The following DDX18 variants were observed in gnomAD, a reference collection of about 807,000 sequenced individuals.
DDX18 encodes ATP-dependent RNA helicase DDX18.
Under a neutral mutation model 73.5 loss-of-function variants are expected in DDX18, and 23 were observed. The ratio of observed to expected loss-of-function variants is 0.31; its 90% confidence interval spans 0.23 to 0.44. The LOEUF (loss-of-function observed/expected upper bound fraction) is 0.44, where lower values mean the gene tolerates loss of function less well. Ranked by LOEUF, DDX18 falls within the 20% of genes least tolerant of loss-of-function variation. DDX18 has a pLI of 1.00. For missense variants in DDX18, 753 were observed against 792.9 expected (o/e 0.95, Z 0.60); for synonymous variants, 268 against 282.7 (o/e 0.95, Z 0.52).
At position 117,822,548 on chromosome 2, in the gene DDX18, C is replaced by T. The variant is rs77253034; in HGVS notation, c.1066+287C>T. Reference sequence around the variant, plus strand: ...CCTCATCTAACATCCCCCAAGAAGCCGCAGATTTTTTGCCTTACTTGTACA... The same window carrying T: ...CCTCATCTAACATCCCCCAAGAAGCTGCAGATTTTTTGCCTTACTTGTACA... On this transcript the variant is annotated intron_variant, in intron 7 of 13. Coordinates refer to ENST00000263239, the MANE Select transcript of DDX18 (RefSeq NM_006773.4). The T allele has an allele frequency of 2.1e-3, 646 of 307,296 alleles. 4 individuals carry two copies. The highest frequency in any genetic ancestry group is 0.012 in the African/African-American group (564 of 46,314). The allele number at this position is 307,296 out of a possible 1,614,324, so 19.0% of individuals were successfully genotyped here. A position where few individuals can be genotyped will look rare whatever the true frequency, so the allele number is the denominator to read the frequency against.
At chr2:117,823,988 A>G (rs753775898) in intron 7 of DDX18, among the ~76,000 whole-genome samples, 2 of 152,176 alleles carry the variant, frequency 1.3e-5, no homozygotes, top group Non-Finnish European at 2.9e-5. Flanking sequence ...AATAAACCTG[A>G]TCCATTTCTA....
Position 117,814,725 on chromosome 2 carries a change from G to T in DDX18, c.-53G>T, listed in dbSNP as rs1000632763. On this transcript the variant is annotated 5_prime_UTR_variant, in exon 1 of 14. Coordinates refer to ENST00000263239, the MANE Select transcript of DDX18 (RefSeq NM_006773.4). ...CGGAAGGGAAGTAACGTCAGCCTGAGAACTGAGTAGCTGTACTGTGTGGCG... is the reference window on the plus strand; with the variant it reads ...CGGAAGGGAAGTAACGTCAGCCTGATAACTGAGTAGCTGTACTGTGTGGCG... The T allele has an allele frequency of 3.8e-6, 6 of 1,581,720 alleles. No homozygotes were observed. The highest frequency in any genetic ancestry group is 5.2e-6 in the Non-Finnish European group (6 of 1,152,924).
rs1573415206 is a variant in DDX18, at chr2:117,831,021, C to T, written c.*297C>T. ...CCCTCCCTCATACAAGTGTATGTTA[C>T]CATTTTAATATAATTCTTTTTGTAC... is the stretch of plus-strand genomic sequence containing the variant. On this transcript the variant is annotated 3_prime_UTR_variant, in exon 14 of 14. Coordinates refer to ENST00000263239, the MANE Select transcript of DDX18 (RefSeq NM_006773.4). 4 of 305,852 alleles carry T rather than the reference C, an allele frequency of 1.3e-5. No individual in the cohort carries two copies. In the South Asian group the frequency reaches 1.9e-4, roughly 14 times the overall value. The allele number at this position is 305,852 out of a possible 1,614,324, so 18.9% of individuals were successfully genotyped here. A position where few individuals can be genotyped will look rare whatever the true frequency, so the allele number is the denominator to read the frequency against.
chr2:117,824,875 A>C (rs1679899357), intron 8 of DDX18, 65 bp from the exon 9 acceptor site: 1 of 1,531,032 alleles, frequency 6.5e-7, no homozygotes, highest in Non-Finnish European at 8.8e-7. Context: ...ATGAAATTAC[A>C]CAAGTTAGGA....
In DDX18 at chr2:117,819,653, GA is replaced by G; in HGVS notation, c.381del (p.Ala128GlnfsTer43). ...TTTTGTCTTTTAAAACCAAAGATAC[GA>G]AAAAAGCAAAAACTGAAAACAAAGG... ...KMVNDAEPDT[K>X]KAKTENKGKS... On this transcript the variant is annotated frameshift_variant, in exon 3 of 14. Transcript: ENST00000263239. LOFTEE classifies it high-confidence loss of function. 6.4e-7 allele frequency: 1 copy of G among 1,574,288 alleles called. No individual in the cohort carries two copies. The highest frequency in any genetic ancestry group is 1.2e-5 in the South Asian group (1 of 84,034).
Position 117,829,478 on chromosome 2 carries a change from T to C in DDX18, c.1870+12T>C. The C allele has an allele frequency of 6.2e-7, 1 of 1,600,240 alleles. No homozygotes were observed. Among genetic ancestry groups the C allele is most frequent in the Non-Finnish European group, 8.5e-7 (1 of 1,175,188 alleles). ...CTTCGTTGATCTGAGTATCCTTTTC[T>C]TTAATGAAGTTATCCTGTGACTAAG... On this transcript the variant is annotated intron_variant, in intron 13 of 13. Coordinates refer to ENST00000263239, the MANE Select transcript of DDX18 (RefSeq NM_006773.4).
At position 117,821,184 on chromosome 2, in the gene DDX18, G is replaced by C. The variant is rs909709219; in HGVS notation, c.538G>C (p.Ala180Pro). The stretch of plus-strand genomic sequence containing the variant: ...AGGAGCTTTTGAGGATACTTCGTTT[G>C]CTTCTCTATGTAATCTTGTCAATGA... ...LTGAFEDTSF[A>P]SLCNLVNENT... Residue 180 changes from alanine to proline, a missense_variant, in exon 4 of 14, where the codon GCT (alanine) becomes CCT (proline). Ala to Pro is a conservative substitution (Grantham distance 27, BLOSUM62 -1). Transcript: ENST00000263239. 5 of 1,592,736 alleles carry C rather than the reference G, an allele frequency of 3.1e-6. No homozygotes were observed. The highest frequency in any genetic ancestry group is 4.3e-6 in the Non-Finnish European group (5 of 1,171,676).
In DDX18 at chr2:117,819,640, A is replaced by T. The variant is rs374562790; in HGVS notation, c.371-9A>T. 6.4e-7 allele frequency: 1 copy of T among 1,568,804 alleles called. No homozygotes were observed. Among genetic ancestry groups the T allele is most frequent in the African/African-American group, 1.4e-5 (1 of 72,322 alleles). On this transcript the variant is annotated splice_polypyrimidine_tract_variant and intron_variant, in intron 2 of 13. Transcript: ENST00000263239. Reference sequence around the variant, plus strand: ...AAATTTTTTCGGATTTTGTCTTTTAAAACCAAAGATACGAAAAAAGCAAAA... The same window carrying T: ...AAATTTTTTCGGATTTTGTCTTTTATAACCAAAGATACGAAAAAAGCAAAA...
chr2:117,825,151 C>T (rs755056091), intron 9 of DDX18, 50 bp downstream of exon 9: 2 of 1,569,182 alleles, frequency 1.3e-6, no homozygotes, highest in Non-Finnish European at 1.7e-6. Context: ...TTATTAAATC[C>T]TATAGATTGT....
intron 2 of DDX18, 62 bp from the exon 3 acceptor site, chr2:117,819,587 A>G: frequency 7.3e-7 from 1 of 1,360,904 alleles, no homozygotes; most frequent in Non-Finnish European, 9.8e-7. Flanking sequence ...CTGTTTGTTG[A>G]TCTCATTTGG....
intron 10 of DDX18, 125 bp from the exon 11 acceptor site, chr2:117,826,144 G>A (rs1679924089): frequency 3.5e-6 from 2 of 579,188 alleles, no homozygotes; most frequent in Non-Finnish European, 5.9e-6. Flanking sequence ...GTGAAGGTGT[G>A]TGTGGCCCAG....
intron 4 of DDX18, 143 bp downstream of exon 4, chr2:117,821,439 C>G: frequency 8.3e-7 from 1 of 1,203,838 alleles, no homozygotes; most frequent in Non-Finnish European, 1.2e-6. Context: ...AAGTTAATTA[C>G]TGATGTTTGA....
chr2:117,829,113 A>C, intron 12 of DDX18, 108 bp downstream of exon 12: 1 of 1,167,846 alleles, frequency 8.6e-7, no homozygotes, highest in South Asian at 1.3e-5. Context: ...CCTGTCCTAA[A>C]GTGAGGATCA....
intron 7 of DDX18, chr2:117,822,561 C>G (rs1039267831): frequency 7.1e-5 from 22 of 308,710 alleles, no homozygotes; most frequent in African/African-American, 4.3e-4. Context: ...AGATTTTTTG[C>G]CTTACTTGTA....
chr2:117,824,648 G>T lies in DDX18; in HGVS notation c.1146G>T (p.Glu382Asp). 6.7e-7 allele frequency: 1 copy of T among 1,496,360 alleles called. No homozygotes were observed. The highest frequency in any genetic ancestry group is 2.5e-5 in the East Asian group (1 of 40,110). 92.7% of individuals were successfully genotyped at this position (1,496,360 alleles called of 1,614,324 possible). ...EDLARISLKKEPLYVGVDDDK... is the reference protein window; with the variant it reads ...EDLARISLKKDPLYVGVDDDK... ...TGGCAAGGATTTCTCTGAAAAAGGA[G>T]CCATTGTATGTTGGCGTTGATGATG... Residue 382 changes from glutamate (E) to aspartate (D), a missense_variant, in exon 8 of 14, where the codon GAG (glutamate) becomes GAT (aspartate). Physicochemically the swap from Glu to Asp is conservative, Grantham distance 45. Coordinates refer to ENST00000263239, the MANE Select transcript of DDX18 (RefSeq NM_006773.4).
intron 2 of DDX18, 82 bp downstream of exon 2, chr2:117,817,810 C>T: frequency 7.1e-7 from 1 of 1,416,520 alleles, no homozygotes; most frequent in African/African-American, 1.4e-5. Flanking sequence ...CTATTGTGTG[C>T]ACATGACATG....
At chr2:117,817,374 T>C in intron 1 of DDX18, 70 bp from the exon 2 acceptor site, 2 of 1,411,518 alleles carry the variant, frequency 1.4e-6, no homozygotes, top group Middle Eastern at 2.6e-4. Context: ...AAGTTCTCAT[T>C]TGGGATTTCA....
At position 117,831,700 on chromosome 2, in the gene DDX18, C is replaced by T. The variant is rs1030570193; in HGVS notation, c.*976C>T. 9 of 152,060 alleles carry T rather than the reference C, an allele frequency of 5.9e-5. No individual in the cohort carries two copies. The highest frequency in any genetic ancestry group is 1.3e-4 in the Non-Finnish European group (9 of 68,016). 9.4% of individuals were successfully genotyped at this position (152,060 alleles called of 1,614,324 possible). ...TCTTTCTGAGAAAAAAATACCTCTT[C>T]CAGGCCCTGAAACAAAAAATACATT... On this transcript the variant is annotated 3_prime_UTR_variant, in exon 14 of 14. Coordinates refer to ENST00000263239, the MANE Select transcript of DDX18 (RefSeq NM_006773.4).
rs1307841942 is a variant in DDX18 at position 117,817,484 on chromosome 2, T to A, written c.126T>A (p.Asp42Glu). The A allele has an allele frequency of 1.9e-6, 3 of 1,612,122 alleles. No individual in the cohort carries two copies. The South Asian group carries it at 3.3e-5, about 18-fold the overall frequency. Reference protein sequence around the residue: ...NLTLSETQNGDVSEETMGSRK... With the variant: ...NLTLSETQNGEVSEETMGSRK... The stretch of plus-strand genomic sequence containing the variant: ...CCCTATCGGAAACTCAAAATGGAGA[T>A]GTATCTGAAGAAACAATGGGAAGTA... The change falls in exon 2 of 14, where the codon GAT (aspartate) becomes GAA (glutamate). Residue 42 changes from aspartate to glutamate, a missense_variant. Physicochemically the swap from Asp to Glu is conservative, Grantham distance 45. Coordinates refer to ENST00000263239, the MANE Select transcript of DDX18 (RefSeq NM_006773.4).
Sources: gnomAD v4.1 joint callset for allele counts (sites outside exome capture counted in the v4.1 genomes callset) on GRCh38, gnomAD v4.1.1 for gene constraint, MANE v1.5 for transcripts, NCBI Gene and HGNC (gene_info 2026-07-23, HGNC 2026-07-21) for gene names.